RHOBTB1: variants seen among roughly 807,000 people sequenced by gnomAD.
RHOBTB1 encodes rho-related BTB domain-containing protein 1.
Under a neutral mutation model 71.6 loss-of-function variants are expected in RHOBTB1, and 40 were observed. The ratio of observed to expected loss-of-function variants is 0.56; its 90% confidence interval spans 0.43 to 0.73. RHOBTB1 has a LOEUF of 0.73. Among genes scored for constraint, RHOBTB1 ranks in the 30% least tolerant of loss-of-function variants. RHOBTB1 has a pLI of 0.00. For synonymous variants in RHOBTB1, 319 were observed against 334.9 expected (o/e 0.95, Z 0.52); for missense variants, 797 against 894.0 (o/e 0.89, Z 1.38).
At chr10:60,973,122 A>T (rs182513246) in intron 2 of RHOBTB1, among the ~76,000 whole-genome samples, 1 of 152,134 alleles carries the variant, frequency 6.6e-6, no homozygotes, top group East Asian at 1.9e-4. Flanking sequence ...AGATTTAAGG[A>T]TTCAATATGG....
At chr10:60,863,185 A>C in the RHOBTB1 span, among the ~76,000 whole-genome samples, 4 of 152,202 alleles carry the variant, frequency 2.6e-5, no homozygotes, top group African/African-American at 9.7e-5. Flanking sequence ...ATTTAGGTTC[A>C]AGTAAATCAT....
At chr10:60,875,332 C>T (rs564456382) in intron 8 of RHOBTB1, among the ~76,000 whole-genome samples, 1 of 152,304 alleles carries the variant, frequency 6.6e-6, no homozygotes, top group African/African-American at 2.4e-5. Flanking sequence ...CTCCTGGCCA[C>T]ACGAGACTAT....
intron 1 of RHOBTB1, among the ~76,000 whole-genome samples, chr10:60,990,803 A>T (rs1235885141): frequency 3.9e-5 from 6 of 152,154 alleles, no homozygotes; most frequent in Admixed American, 3.3e-4. Flanking sequence ...AAGCAATCTT[A>T]TCTGCCTCCA....
At chr10:60,881,012 A>G (rs1036304084) in intron 7 of RHOBTB1, among the ~76,000 whole-genome samples, 1 of 143,598 alleles carries the variant, frequency 7.0e-6, no homozygotes, top group Admixed American at 6.9e-5. Context: ...AGCTCCCATA[A>G]TTCCCACGTG....
rs141425241 is a variant in RHOBTB1 at position 60,880,078 on chromosome 10, G to A, written c.1576-2020C>T. Among the ~76,000 whole-genome samples, 116 of 152,110 alleles carry A rather than the reference G, an allele frequency of 7.6e-4. 1 individual carries two copies. Among genetic ancestry groups the A allele is most frequent in the African/African-American group, 2.7e-3 (111 of 41,484 alleles). ...GATGTGCACAGATCTATGCAAATAC[G>A]ATGCCATTTTATATGAGGAATTTGA... On this transcript the variant is annotated intron_variant, in intron 7 of 10. Coordinates refer to ENST00000337910, the MANE Select transcript of RHOBTB1 (RefSeq NM_014836.5).
At chr10:60,992,202 A>G (rs1028027607) in intron 1 of RHOBTB1, among the ~76,000 whole-genome samples, 37 of 152,310 alleles carry the variant, frequency 2.4e-4, no homozygotes, top group African/African-American at 8.7e-4. Flanking sequence ...ATAAGAAACG[A>G]AAGTAGGAAG....
In RHOBTB1 at chr10:60,911,556, T is replaced by C; in HGVS notation, c.-10-4A>G. 6.2e-7 allele frequency: 1 copy of C among 1,611,070 alleles called. No homozygotes were observed. The highest frequency in any genetic ancestry group is 1.1e-5 in the South Asian group (1 of 91,004). ...GTCAGCGTCCATTTATGAAACTCTGTAAGAAGAGAGTGAACACCACAGTAA... is the reference window on the plus strand; with the variant it reads ...GTCAGCGTCCATTTATGAAACTCTGCAAGAAGAGAGTGAACACCACAGTAA... On this transcript the variant is annotated splice_polypyrimidine_tract_variant and splice_region_variant and intron_variant, in intron 2 of 10. Coordinates refer to ENST00000337910, the MANE Select transcript of RHOBTB1 (RefSeq NM_014836.5).
intron 8 of RHOBTB1, among the ~76,000 whole-genome samples, chr10:60,875,677 A>G (rs2081018338): frequency 6.6e-6 from 1 of 152,248 alleles, no homozygotes; most frequent in African/African-American, 2.4e-5. Flanking sequence ...CTGTCTCAAC[A>G]GCTACAGATG....
At chr10:60,971,309 A>G (rs993620095) in intron 2 of RHOBTB1, among the ~76,000 whole-genome samples, 6 of 151,992 alleles carry the variant, frequency 3.9e-5, no homozygotes, top group African/African-American at 1.4e-4. Flanking sequence ...ACAAGGCTAC[A>G]GTAACCAAAA....
chr10:60,917,383 C>T (rs867868947), intron 2 of RHOBTB1, among the ~76,000 whole-genome samples: 3 of 152,188 alleles, frequency 2.0e-5, no homozygotes, highest in Non-Finnish European at 4.4e-5. Flanking sequence ...TCTAACTACC[C>T]CCTTAGTCAG....
chr10:60,940,784 T>C (rs367727205), intron 2 of RHOBTB1, among the ~76,000 whole-genome samples: 7 of 152,296 alleles, frequency 4.6e-5, no homozygotes, highest in African/African-American at 1.7e-4. Flanking sequence ...ATTTTTTTCA[T>C]GCATATATGG....
Position 60,875,682 on chromosome 10 carries a change from C to T in RHOBTB1, c.1727-640G>A, listed in dbSNP as rs574866756. ...TTGCGTACGTCTGTCTCAACAGCTA[C>T]AGATGGATAACATATTGTTCAGCCT... is the stretch of plus-strand genomic sequence containing the variant. On this transcript the variant is annotated intron_variant, in intron 8 of 10. Transcript: ENST00000337910. 1.3e-3 allele frequency among the ~76,000 whole-genome samples: 194 copies of T among 152,338 alleles called. 1 individual carries two copies. The highest frequency in any genetic ancestry group is 4.5e-3 in the African/African-American group (189 of 41,570).
chr10:60,940,044 G>A (rs371172870), intron 2 of RHOBTB1, among the ~76,000 whole-genome samples: 1 of 152,152 alleles, frequency 6.6e-6, no homozygotes. Flanking sequence ...CCTGTAATGG[G>A]ATCTTCCCAA....
At chr10:60,976,009 C>T (rs1182170445) in intron 2 of RHOBTB1, among the ~76,000 whole-genome samples, 1 of 152,006 alleles carries the variant, frequency 6.6e-6, no homozygotes, top group Non-Finnish European at 1.5e-5. Context: ...GATATAAATT[C>T]ACAGTTCTCT....
chr10:60,864,002 C>T, the RHOBTB1 span, among the ~76,000 whole-genome samples: 1 of 152,184 alleles, frequency 6.6e-6, no homozygotes, highest in Non-Finnish European at 1.5e-5. Flanking sequence ...TCCCCTCCCC[C>T]TCCACTGCCT....
At chr10:60,890,568 C>T (rs1383079436) in intron 5 of RHOBTB1, among the ~76,000 whole-genome samples, 1 of 152,112 alleles carries the variant, frequency 6.6e-6, no homozygotes, top group Non-Finnish European at 1.5e-5. Flanking sequence ...AGAACACAGG[C>T]AGGAAGTGCT....
intron 4 of RHOBTB1, among the ~76,000 whole-genome samples, chr10:60,909,147 C>A (rs1206958533): frequency 1.3e-5 from 2 of 152,138 alleles, no homozygotes; most frequent in Admixed American, 1.3e-4. Context: ...GAGAGCTGGA[C>A]GGGGCCCAGT....
chr10:60,989,564 C>G (rs2086785993), intron 1 of RHOBTB1, among the ~76,000 whole-genome samples: 2 of 152,204 alleles, frequency 1.3e-5, no homozygotes, highest in South Asian at 4.1e-4. Flanking sequence ...ATCATAGACA[C>G]TCATCTTTCT....
chr10:60,922,613 G>A (rs534589064), intron 2 of RHOBTB1, among the ~76,000 whole-genome samples: 10 of 152,176 alleles, frequency 6.6e-5, no homozygotes, highest in South Asian at 4.1e-4. Flanking sequence ...ATAATCTGGA[G>A]TAATGAGAGC....
Sources: gnomAD v4.1 joint callset for allele counts (sites outside exome capture counted in the v4.1 genomes callset) on GRCh38, gnomAD v4.1.1 for gene constraint, MANE v1.5 for transcripts, NCBI Gene and HGNC (gene_info 2026-07-23, HGNC 2026-07-21) for gene names.